Variants in METTL25 observed in about 807,000 individuals in gnomAD.
The protein encoded by METTL25 is probable methyltransferase-like protein 25.
Under a neutral mutation model 71.6 loss-of-function variants are expected in METTL25, and 64 were observed. The observed-to-expected ratio is 0.89, with a 90% confidence interval of 0.73 to 1.10. The LOEUF is 1.10. METTL25 is among the 50% of genes least tolerant of loss of function. The pLI is 0.00. For missense variants in METTL25, 807 were observed against 707.0 expected, an observed-to-expected ratio of 1.14 and a Z score of -1.60; for synonymous variants, 287 against 250.3, an observed-to-expected ratio of 1.15 and a Z score of -1.38.
chr12:82,465,176 T>G (rs1370241765), intron 9 of METTL25, among the ~76,000 whole-genome samples: 3 of 151,994 alleles, frequency 2.0e-5, no homozygotes, highest in African/African-American at 7.2e-5. Flanking sequence ...ATCTTTGTCT[T>G]GCTAAAGTTC....
intron 1 of METTL25, among the ~76,000 whole-genome samples, chr12:82,359,713 C>T (rs143812162): frequency 6.6e-6 from 1 of 152,224 alleles, no homozygotes; most frequent in Non-Finnish European, 1.5e-5. Flanking sequence ...TTTTCCTACC[C>T]TCAAGAAATG....
intron 1 of METTL25, chr12:82,359,034 G>T (rs1881402272): frequency 3.3e-6 from 2 of 608,968 alleles, no homozygotes; most frequent in Admixed American, 5.9e-5. Flanking sequence ...GGGTGCTTGT[G>T]TATGTCCACA....
intron 8 of METTL25, among the ~76,000 whole-genome samples, chr12:82,452,361 G>A (rs1202726625): frequency 6.6e-6 from 1 of 152,064 alleles, no homozygotes; most frequent in Non-Finnish European, 1.5e-5. Flanking sequence ...TATTTAGCCA[G>A]GTGCAGTGGC....
In METTL25 at chr12:82,438,722, C is replaced by A; in HGVS notation, c.1409C>A (p.Pro470His). ...LERVAAGQGL[P>H]TESLFYRAVL... is the part of the protein sequence containing the mutation. The stretch of plus-strand genomic sequence containing the variant: ...ATATGTCTACATTTTTTTCAGCTGC[C>A]TACTGAATCACTCTTCTATCGTGCT... The change falls in exon 8 of 12, where the codon CCT becomes CAT. Residue 470 changes from proline (P) to histidine (H), a missense_variant. Physicochemically the swap from Pro to His is moderately conservative, Grantham distance 77. Transcript: ENST00000248306. 1 of 1,473,114 alleles carries A rather than the reference C, an allele frequency of 6.8e-7. No individual in the cohort carries two copies. The highest frequency in any genetic ancestry group is 9.0e-7 in the Non-Finnish European group (1 of 1,105,976). The allele number at this position is 1,473,114 out of a possible 1,614,324, so 91.3% of individuals were successfully genotyped here. A position where few individuals can be genotyped will look rare whatever the true frequency, so the allele number is the denominator to read the frequency against.
chr12:82,381,602 TG>T (rs1038887450), intron 1 of METTL25, among the ~76,000 whole-genome samples: 5 of 152,216 alleles, frequency 3.3e-5, no homozygotes, highest in African/African-American at 9.6e-5. Flanking sequence ...TTTCTTCCCT[TG>T]GTACAGTATA....
intron 3 of METTL25, among the ~76,000 whole-genome samples, chr12:82,397,118 T>C (rs1886150271): frequency 1.3e-5 from 2 of 152,186 alleles, no homozygotes; most frequent in African/African-American, 2.4e-5. Flanking sequence ...TAAATTGGAG[T>C]GAGATGGATG....
rs920633478 is a variant in METTL25 at position 82,466,876 on chromosome 12, A to G, written c.1573-9768A>G. Among the ~76,000 whole-genome samples the G allele has an allele frequency of 9.9e-5, 15 of 152,014 alleles. No individual in the cohort carries two copies. The East Asian group carries it at 2.7e-3, about 27-fold the overall frequency. On this transcript the variant is annotated intron_variant, in intron 9 of 11. Coordinates refer to ENST00000248306, the MANE Select transcript of METTL25 (RefSeq NM_032230.3). ...CTTTATAGCTATTGGCTTGAATTCT[A>G]TTTTGCCCAATCTACTCCTGCTCAA...
intron 4 of METTL25, among the ~76,000 whole-genome samples, chr12:82,401,462 A>G (rs1199446925): frequency 6.6e-6 from 1 of 152,062 alleles, no homozygotes; most frequent in Non-Finnish European, 1.5e-5. Context: ...ACCCATTGAG[A>G]TGAAGTACTG....
intron 9 of METTL25, among the ~76,000 whole-genome samples, chr12:82,467,600 A>G (rs1376068915): frequency 6.6e-6 from 1 of 152,088 alleles, no homozygotes; most frequent in African/African-American, 2.4e-5. Flanking sequence ...TGTTTTGAAT[A>G]TATCATGCCA....
chr12:82,437,197 G>A (rs977269597), intron 7 of METTL25, among the ~76,000 whole-genome samples: 1 of 151,630 alleles, frequency 6.6e-6, no homozygotes, highest in African/African-American at 2.4e-5. Flanking sequence ...CTCAAGTGAA[G>A]GCATTTGTGA....
chr12:82,421,569 A>T (rs767840311), intron 5 of METTL25, among the ~76,000 whole-genome samples: 14 of 152,174 alleles, frequency 9.2e-5, no homozygotes, highest in Non-Finnish European at 1.9e-4. Context: ...AATAACTAAG[A>T]TCAAAGCAGA....
chr12:82,473,584 C>T (rs1177190521), intron 9 of METTL25, among the ~76,000 whole-genome samples: 1 of 152,050 alleles, frequency 6.6e-6, no homozygotes, highest in Admixed American at 6.5e-5. Flanking sequence ...TTTCTCAAAC[C>T]CTGATTGAGT....
intron 9 of METTL25, among the ~76,000 whole-genome samples, chr12:82,457,021 CCA>C (rs1891542698): frequency 6.6e-6 from 1 of 151,882 alleles, no homozygotes; most frequent in Non-Finnish European, 1.5e-5. Context: ...TCATGTATCT[CCA>C]GAGTTTCCCT....
At chr12:82,389,959 T>G in intron 3 of METTL25, 37 bp downstream of exon 3, 2 of 1,173,734 alleles carry the variant, frequency 1.7e-6, no homozygotes, top group Non-Finnish European at 1.3e-6. Flanking sequence ...GTGTTAAAAT[T>G]ATTGCCACTT....
chr12:82,428,482 G>A (rs1889220520), intron 5 of METTL25, among the ~76,000 whole-genome samples: 1 of 151,744 alleles, frequency 6.6e-6, no homozygotes, highest in African/African-American at 2.4e-5. Flanking sequence ...CTTTCATTTA[G>A]CAATAATCAT....
At chr12:82,447,635 G>A (rs1409063743) in intron 8 of METTL25, among the ~76,000 whole-genome samples, 7 of 152,218 alleles carry the variant, frequency 4.6e-5, no homozygotes, top group East Asian at 1.9e-4. Flanking sequence ...TGGGAGTTGC[G>A]GGGAGCAGTG....
At chr12:82,450,594 C>T (rs1292620871) in intron 8 of METTL25, among the ~76,000 whole-genome samples, 2 of 152,122 alleles carry the variant, frequency 1.3e-5, no homozygotes, top group African/African-American at 2.4e-5. Flanking sequence ...CACAATCTTC[C>T]AGTGGCTTCT....
intron 5 of METTL25, among the ~76,000 whole-genome samples, chr12:82,421,819 C>A (rs1329048773): frequency 1.3e-5 from 2 of 152,120 alleles, no homozygotes; most frequent in Admixed American, 6.6e-5. Flanking sequence ...AATTCCTTGA[C>A]ACATACACCC....
rs745468682 is a variant in METTL25 at position 82,477,273 on chromosome 12, T to A, written c.1648-8T>A. On this transcript the variant is annotated splice_polypyrimidine_tract_variant and splice_region_variant and intron_variant, in intron 10 of 11. Transcript: ENST00000248306. ...CACCAACCTACCTATCTAATTTTTT[T>A]ATTTTAGTTGAAAGTTGTACTGGCT... The A allele has an allele frequency of 6.8e-7, 1 of 1,480,402 alleles. No homozygotes were observed. Among genetic ancestry groups the A allele is most frequent in the East Asian group, 2.3e-5 (1 of 43,074 alleles). The allele number at this position is 1,480,402 out of a possible 1,614,324, so 91.7% of individuals were successfully genotyped here.
Sources: gnomAD v4.1 joint callset for allele counts (sites outside exome capture counted in the v4.1 genomes callset) on GRCh38, gnomAD v4.1.1 for gene constraint, MANE v1.5 for transcripts, NCBI Gene and HGNC (gene_info 2026-07-23, HGNC 2026-07-21) for gene names.